Variants in TWIST2 observed in about 807,000 individuals in gnomAD.
The protein encoded by TWIST2 is twist family bHLH transcription factor 2, also known as twist-related protein 2.
In TWIST2, 1 loss-of-function variant was observed where a neutral mutation model predicts 11.6. That is an observed-to-expected ratio of 0.09 (90% CI 0.03 to 0.41). The LOEUF (loss-of-function observed/expected upper bound fraction) is 0.41, where lower values mean the gene tolerates loss of function less well. Among genes scored for constraint, TWIST2 ranks in the 10% least tolerant of loss-of-function variants. The pLI is 0.98. For synonymous variants in TWIST2, 87 were observed against 96.6 expected, an observed-to-expected ratio of 0.90 and a Z score of 0.58; for missense variants, 168 against 226.4, an observed-to-expected ratio of 0.74 and a Z score of 1.66.
intron 1 of TWIST2, among the ~76,000 whole-genome samples, chr2:238,870,136 CACACCCCAT>C (rs1327187224): frequency 7.7e-6 from 1 of 130,302 alleles, no homozygotes; most frequent in Non-Finnish European, 1.6e-5. Context: ...ACACACACAC[CACACCCCAT>C]ACACACCACA....
intron 1 of TWIST2, among the ~76,000 whole-genome samples, chr2:238,902,384 G>A (rs1327783796): frequency 6.6e-6 from 1 of 151,248 alleles, no homozygotes; most frequent in Non-Finnish European, 1.5e-5. Flanking sequence ...ATGTATGTGT[G>A]TAGTGTGGGG....
chr2:238,855,792 C>T (rs553189699), intron 1 of TWIST2, among the ~76,000 whole-genome samples: 109 of 152,202 alleles, frequency 7.2e-4, no homozygotes, highest in African/African-American at 2.1e-3. Flanking sequence ...ACAGAATGGC[C>T]GAGGACCCTC....
At chr2:238,855,083 G>A (rs911372899) in intron 1 of TWIST2, among the ~76,000 whole-genome samples, 4 of 152,230 alleles carry the variant, frequency 2.6e-5, no homozygotes, top group Admixed American at 2.6e-4. Flanking sequence ...CTCGGCGGAA[G>A]AGTGCACAGG....
chr2:238,905,866 CGTGCGTGTGT>C (rs1693335155), intron 1 of TWIST2, among the ~76,000 whole-genome samples: 1 of 116,488 alleles, frequency 8.6e-6, no homozygotes, highest in South Asian at 2.7e-4. Context: ...CGTGTGTGTG[CGTGCGTGTGT>C]GTGCATGTGC....
intron 1 of TWIST2, among the ~76,000 whole-genome samples, chr2:238,851,569 C>T (rs1029492948): frequency 5.6e-5 from 7 of 125,972 alleles, no homozygotes; most frequent in Admixed American, 4.5e-4. Context: ...CCTCACTCAA[C>T]AAACTTTTTT....
At position 238,863,130 on chromosome 2, in the gene TWIST2, G is replaced by C. The variant is rs1028535317; in HGVS notation, c.*35+14397G>C. On this transcript the variant is annotated intron_variant, in intron 1 of 1. Coordinates refer to ENST00000612363, the MANE Select transcript of TWIST2 (RefSeq NM_001271893.4). This position sits in a 1 kb window ranked among gnomAD's most constrained non-coding sequence, Gnocchi z 4.7. ...CAAATCCAGAGGTGCCCAGTGCTTT[G>C]TAAAGATAGTGTGGCAGGCACATGC... Among the ~76,000 whole-genome samples the C allele has an allele frequency of 6.6e-6, 1 of 151,456 alleles. No homozygotes were observed. The highest frequency in any genetic ancestry group is 2.4e-5 in the African/African-American group (1 of 41,174).
chr2:238,856,161 T>C (rs1447490512), intron 1 of TWIST2, among the ~76,000 whole-genome samples: 1 of 152,110 alleles, frequency 6.6e-6, no homozygotes, highest in African/African-American at 2.4e-5. Flanking sequence ...GGTCCCGTCT[T>C]GTGTGACTGC....
At chr2:238,881,338 T>C (rs192877694) in intron 1 of TWIST2, among the ~76,000 whole-genome samples, 61 of 149,228 alleles carry the variant, frequency 4.1e-4, no homozygotes, top group Non-Finnish European at 6.7e-4. Flanking sequence ...AATATTAGCA[T>C]TAGTGTCAGT....
intron 1 of TWIST2, among the ~76,000 whole-genome samples, chr2:238,856,600 A>G (rs1207891119): frequency 6.6e-6 from 1 of 152,168 alleles, no homozygotes; most frequent in Middle Eastern, 3.2e-3. Context: ...TGATATATGA[A>G]GAATTTCACA....
rs1163731922 is a variant in TWIST2 at position 238,880,735 on chromosome 2, ATTAGTG to A, written c.*36-29098_*36-29093del. 5.4e-5 allele frequency among the ~76,000 whole-genome samples: 6 copies of A among 111,910 alleles called. 1 individual carries two copies. Among genetic ancestry groups the A allele is most frequent in the African/African-American group, 7.3e-5 (2 of 27,364 alleles). The allele number at this position is 111,910 out of a possible 152,430, so 73.4% of individuals were successfully genotyped here. A position where few individuals can be genotyped will look rare whatever the true frequency, so the allele number is the denominator to read the frequency against. ...AGTATTAATGTTAGTATCTATTAGT[ATTAGTG>A]TTAGTGTTGGTGTTAATATTAGCAT... is the stretch of plus-strand genomic sequence containing the variant. On this transcript the variant is annotated intron_variant, in intron 1 of 1. Coordinates refer to ENST00000612363, the MANE Select transcript of TWIST2 (RefSeq NM_001271893.4).
chr2:238,848,641 C>G lies in TWIST2; in HGVS notation c.426C>G (p.Ser142Arg), dbSNP rs1479200935. ...SCSYVAHERLSYAFSVWRMEG... is the reference protein window; with the variant it reads ...SCSYVAHERLRYAFSVWRMEG... The stretch of plus-strand genomic sequence containing the variant: ...GCTACGTGGCCCACGAGCGCCTCAG[C>G]TACGCCTTCTCCGTGTGGCGCATGG... Residue 142 changes from serine to arginine, a missense_variant, in exon 1 of 2, where the codon AGC becomes AGG. By Grantham distance (110) the Ser-to-Arg change is moderately radical (BLOSUM62 -1). Coordinates refer to ENST00000612363, the MANE Select transcript of TWIST2 (RefSeq NM_001271893.4). 6.5e-7 allele frequency: 1 copy of G among 1,538,774 alleles called. No homozygotes were observed. The highest frequency in any genetic ancestry group is 1.4e-5 in the African/African-American group (1 of 73,220).
At chr2:238,879,818 G>T (rs549592840) in intron 1 of TWIST2, among the ~76,000 whole-genome samples, 1 of 152,326 alleles carries the variant, frequency 6.6e-6, no homozygotes, top group Non-Finnish European at 1.5e-5. Flanking sequence ...TGTGGTCAGG[G>T]AGGGCTTCCT....
rs568886754 is a variant in TWIST2 at position 238,866,832 on chromosome 2, G to A, written c.*35+18099G>A. 4.5e-4 allele frequency among the ~76,000 whole-genome samples: 69 copies of A among 152,022 alleles called. No homozygotes were observed. The highest frequency in any genetic ancestry group is 8.8e-4 in the Non-Finnish European group (60 of 68,014). The stretch of plus-strand genomic sequence containing the variant: ...CCTGAGGCCTCGTATATCCCCTAGC[G>A]GCCTGGCAGCTGCGACGGTTTGTCT... On this transcript the variant is annotated intron_variant, in intron 1 of 1. Transcript: ENST00000612363. The surrounding 1 kb of genome is among the most constrained non-coding windows in gnomAD (Gnocchi z 4.9).
chr2:238,871,910 G>A (rs1216148675), intron 1 of TWIST2, among the ~76,000 whole-genome samples: 3 of 152,152 alleles, frequency 2.0e-5, no homozygotes, highest in Admixed American at 6.5e-5. Context: ...TGGGAAGTGC[G>A]TGTTTAGTGG....
At chr2:238,861,275 C>T (rs1293489555) in intron 1 of TWIST2, among the ~76,000 whole-genome samples, 3 of 152,286 alleles carry the variant, frequency 2.0e-5, no homozygotes, top group East Asian at 3.9e-4. Flanking sequence ...TTCATGAGCA[C>T]GATATTCACA....
At chr2:238,852,574 C>T in intron 1 of TWIST2, among the ~76,000 whole-genome samples, 1 of 152,162 alleles carries the variant, frequency 6.6e-6, no homozygotes, top group Non-Finnish European at 1.5e-5. Context: ...CAAGATGAAA[C>T]ACTACAAACA....
chr2:238,870,614 ACCACACACAAACCACACCCCC>A (rs1282777534), intron 1 of TWIST2, among the ~76,000 whole-genome samples: 1 of 61,768 alleles, frequency 1.6e-5, no homozygotes, highest in African/African-American at 8.0e-5. Flanking sequence ...CACATCACAT[ACCACACACAAACCACACCCCC>A]CCACACACAC....
intron 1 of TWIST2, among the ~76,000 whole-genome samples, chr2:238,854,858 T>G (rs1191508172): frequency 6.6e-6 from 1 of 152,218 alleles, no homozygotes; most frequent in Admixed American, 6.5e-5. Flanking sequence ...TTGTCTGTTC[T>G]ACTTTGAATT....
At chr2:238,860,436 C>T (rs36137573) in intron 1 of TWIST2, among the ~76,000 whole-genome samples, 2 of 152,250 alleles carry the variant, frequency 1.3e-5, no homozygotes, top group African/African-American at 4.8e-5. Context: ...TGAGTGCTCC[C>T]TCAGCCATGA....
Sources: gnomAD v4.1 joint callset for allele counts (sites outside exome capture counted in the v4.1 genomes callset) on GRCh38, gnomAD v4.1.1 for gene constraint, Gnocchi (gnomAD v3.1) non-coding constraint, MANE v1.5 for transcripts, NCBI Gene and HGNC (gene_info 2026-07-23, HGNC 2026-07-21) for gene names.